The following OCRL variants were observed in gnomAD, a reference collection of about 807,000 sequenced individuals.
OCRL encodes OCRL inositol polyphosphate-5-phosphatase.
OCRL carries 8 observed loss-of-function variants against 78.9 expected under a neutral mutation model. That is an observed-to-expected ratio of 0.10 (90% CI 0.06 to 0.18). The LOEUF is 0.18. OCRL is among the 10% of genes least tolerant of loss of function. The probability of loss-of-function intolerance (pLI) is 1.00; values close to 1 mark genes in which losing one functional copy is unlikely to be tolerated. For missense variants in OCRL, 454 were observed against 696.7 expected (o/e 0.65, Z 3.92); for synonymous variants, 240 against 235.4 (o/e 1.02, Z -0.18).
In OCRL at chrX:129,557,942, T is replaced by C. The variant is rs1363723905; in HGVS notation, c.431T>C (p.Val144Ala). 1 of 1,170,393 alleles carries C rather than the reference T, an allele frequency of 8.5e-7. No individual in the cohort carries two copies. Among genetic ancestry groups the C allele is most frequent in the East Asian group, 3.0e-5 (1 of 33,693 alleles). The change falls in exon 6 of 24, where the codon GTT becomes GCT. Residue 144 changes from valine (V) to alanine (A), a missense_variant. Coordinates refer to ENST00000371113, the MANE Select transcript of OCRL (RefSeq NM_000276.4). ...QKLDTKDKPS[V>A]FSGLLGFEDN... ...TTAGACACTAAGGACAAACCTTCTGTTTTTTCAGGTACTAAAAAGTTCCTG... is the reference window on the plus strand; with the variant it reads ...TTAGACACTAAGGACAAACCTTCTGCTTTTTCAGGTACTAAAAAGTTCCTG...
At chrX:129,541,411 TAGAA>T (rs1935798865) in intron 2 of OCRL, among the ~76,000 whole-genome samples, 1 of 111,869 alleles carries the variant, frequency 8.9e-6, no homozygotes, top group South Asian at 3.8e-4. Flanking sequence ...ACTTTACTGT[TAGAA>T]AGAAAAGGTA....
rs747396791 is a variant in OCRL at position 129,558,664 on chromosome X, T to G, written c.471T>G (p.Ser157=). 1.7e-5 allele frequency: 20 copies of G among 1,210,540 alleles called. No homozygotes were observed. The highest frequency in any genetic ancestry group is 2.0e-5 in the Non-Finnish European group (18 of 895,117). The change falls in exon 7 of 24, where the codon TCT becomes TCG. Residue 157 remains serine (S), a synonymous_variant. Transcript: ENST00000371113. ...TTGGATTTGAAGACAATTTTTCTTC[T>G]ATGAATTTGGACAAGAAAATAAATT... is the stretch of plus-strand genomic sequence containing the variant. ...GLLGFEDNFS[S]MNLDKKINSQ...
At chrX:129,558,526 T>C in intron 6 of OCRL, 107 bp from the exon 7 acceptor site, 1 of 948,999 alleles carries the variant, frequency 1.1e-6, no homozygotes, top group Non-Finnish European at 1.5e-6. Context: ...AGTTTTCTGT[T>C]TAGTAATACC....
chrX:129,547,203 T>C (rs1237660629), intron 3 of OCRL, among the ~76,000 whole-genome samples: 1 of 110,772 alleles, frequency 9.0e-6, no homozygotes, highest in Non-Finnish European at 1.9e-5. Context: ...CATGCTAACC[T>C]GGGTGAGAGA....
rs1395460646 is a variant in OCRL at position 129,590,554 on chromosome X, T to G, written c.*284T>G. 2 of 309,605 alleles carry G rather than the reference T, an allele frequency of 6.5e-6. No individual in the cohort carries two copies. The highest frequency in any genetic ancestry group is 1.2e-5 in the Non-Finnish European group (2 of 172,334). 25.5% of individuals were successfully genotyped at this position (309,605 alleles called of 1,213,427 possible). On this transcript the variant is annotated 3_prime_UTR_variant, in exon 24 of 24. Transcript: ENST00000371113. Reference sequence around the variant, plus strand: ...ATTTACACTCCTTCACCTAGGGATGTGTTTGTTGCCCTCCTACCCAATTGT... The same window carrying G: ...ATTTACACTCCTTCACCTAGGGATGGGTTTGTTGCCCTCCTACCCAATTGT...
rs1174987741 is a variant in OCRL at position 129,576,361 on chromosome X, T to C, written c.1924T>C (p.Ser642Pro). 2 of 1,209,661 alleles carry C rather than the reference T, an allele frequency of 1.7e-6. No homozygotes were observed. Among genetic ancestry groups the C allele is most frequent in the Non-Finnish European group, 2.2e-6 (2 of 894,692 alleles). ...ISLDVYVSKD[S>P]VTILNSGEDK... ...TCTTGATGTGTATGTCAGCAAAGAC[T>C]CTGTAACCATCCTGAACTCGGGAGA... The change falls in exon 18 of 24, where the codon TCT becomes CCT. Residue 642 changes from serine to proline, a missense_variant. Coordinates refer to ENST00000371113, the MANE Select transcript of OCRL (RefSeq NM_000276.4).
chrX:129,570,850 A>T (rs947836065), intron 15 of OCRL, among the ~76,000 whole-genome samples: 5 of 112,521 alleles, frequency 4.4e-5, no homozygotes, highest in Non-Finnish European at 9.4e-5. Flanking sequence ...TGGAAAATAC[A>T]GTATTCACAG....
intron 18 of OCRL, among the ~76,000 whole-genome samples, chrX:129,579,826 G>C (rs1192969977): frequency 5.3e-5 from 6 of 112,392 alleles, no homozygotes; most frequent in Non-Finnish European, 1.1e-4. Context: ...GGTGATGAAA[G>C]TATATTTGCA....
intron 15 of OCRL, among the ~76,000 whole-genome samples, chrX:129,570,629 T>G (rs996977476): frequency 1.8e-5 from 2 of 112,588 alleles, no homozygotes; most frequent in Non-Finnish European, 3.7e-5. Flanking sequence ...TTTGTCCATT[T>G]TGAAATTTTA....
intron 4 of OCRL, among the ~76,000 whole-genome samples, chrX:129,553,916 A>G (rs1680830423): frequency 9.0e-6 from 1 of 110,757 alleles, no homozygotes; most frequent in African/African-American, 3.3e-5. Context: ...GTGGGTGTGC[A>G]TATTTACCCC....
chrX:129,587,802 A>G (rs1412700978), intron 20 of OCRL, among the ~76,000 whole-genome samples: 1 of 108,727 alleles, frequency 9.2e-6, no homozygotes, highest in African/African-American at 3.4e-5. Flanking sequence ...TGGGAGGCAG[A>G]GACGGGCGCA....
At chrX:129,556,114 G>A (rs1389226413) in intron 4 of OCRL, among the ~76,000 whole-genome samples, 4 of 111,863 alleles carry the variant, frequency 3.6e-5, no homozygotes, top group Non-Finnish European at 7.5e-5. Flanking sequence ...TACAAAGACA[G>A]AAAGAAGAAG....
intron 14 of OCRL, among the ~76,000 whole-genome samples, chrX:129,567,819 T>G (rs1936237083): frequency 8.9e-6 from 1 of 111,792 alleles, no homozygotes; most frequent in African/African-American, 3.2e-5. Context: ...TTAGAATCCC[T>G]TAGAGAACTT....
intron 3 of OCRL, among the ~76,000 whole-genome samples, chrX:129,547,734 G>C (rs777542964): frequency 3.6e-5 from 4 of 110,835 alleles, no homozygotes; most frequent in African/African-American, 1.3e-4. Context: ...TTGTACCTGA[G>C]TAATGGAGCC....
At chrX:129,584,302 A>G (rs1569463032) in intron 18 of OCRL, 42 bp from the exon 19 acceptor site, 2 of 1,166,089 alleles carry the variant, frequency 1.7e-6, no homozygotes, top group South Asian at 3.6e-5. Flanking sequence ...TTCTAATCAT[A>G]TTCTGTCTGT....
In OCRL at chrX:129,575,958, A is replaced by T. The variant is rs991727453; in HGVS notation, c.1775A>T (p.Asn592Ile). 64 of 1,210,436 alleles carry T rather than the reference A, an allele frequency of 5.3e-5. No homozygotes were observed. Among genetic ancestry groups the T allele is most frequent in the Non-Finnish European group, 6.9e-5 (62 of 895,123 alleles). The change falls in exon 17 of 24, where the codon AAT becomes ATT. Residue 592 changes from asparagine (N) to isoleucine (I), a missense_variant. Transcript: ENST00000371113. ...LQKEKFQISN[N>I]GQVPCHFSFI... ...AAGGAGAAGTTCCAGATCAGCAACAATGGACAGGTTCCCTGCCATTTTTCT... is the reference window on the plus strand; with the variant it reads ...AAGGAGAAGTTCCAGATCAGCAACATTGGACAGGTTCCCTGCCATTTTTCT...
chrX:129,540,327 G>A lies in OCRL; in HGVS notation c.-113G>A, dbSNP rs1935769004. On this transcript the variant is annotated 5_prime_UTR_variant, in exon 1 of 24. Transcript: ENST00000371113. ...CTCCCGGCGCCCGGCGCCCGGCGCG[G>A]AGCTGTTCCTCAAACGACACGCAGC... The A allele has an allele frequency of 7.0e-6, 6 of 857,139 alleles. No homozygotes were observed. In the Admixed American group the frequency reaches 1.6e-4, roughly 22 times the overall value. 70.6% of individuals were successfully genotyped at this position (857,139 alleles called of 1,213,427 possible).
chrX:129,546,236 T>C (rs554492190), intron 3 of OCRL, among the ~76,000 whole-genome samples: 1 of 112,357 alleles, frequency 8.9e-6, no homozygotes, highest in Non-Finnish European at 1.9e-5. Context: ...ACTCATCTTA[T>C]ACAATTTTTT....
rs1163858900 is a variant in OCRL at position 129,588,135 on chromosome X, G to T, written c.2257-44G>T. 5.4e-6 allele frequency: 5 copies of T among 934,255 alleles called. No individual in the cohort carries two copies. In the Admixed American group the frequency reaches 1.1e-4, roughly 20 times the overall value. The allele number at this position is 934,255 out of a possible 1,213,427, so 77.0% of individuals were successfully genotyped here. A position where few individuals can be genotyped will look rare whatever the true frequency, so the allele number is the denominator to read the frequency against. ...CCTTGGGTAATCATCATAACCTCAG[G>T]AGTGATTATCTTGCCTGTCCCTTCA... On this transcript the variant is annotated intron_variant, in intron 20 of 23. Transcript: ENST00000371113.
Sources: gnomAD v4.1 joint callset for allele counts (sites outside exome capture counted in the v4.1 genomes callset) on GRCh38, gnomAD v4.1.1 for gene constraint, MANE v1.5 for transcripts, NCBI Gene and HGNC (gene_info 2026-07-23, HGNC 2026-07-21) for gene names.